DIAPH2: variants seen among roughly 807,000 people sequenced by gnomAD.
DIAPH2 encodes diaphanous related formin 2.
In DIAPH2, 35 loss-of-function variants were observed where a neutral mutation model predicts 92.7. The ratio of observed to expected loss-of-function variants is 0.38; its 90% CI spans 0.29 to 0.50. The LOEUF (loss-of-function observed/expected upper bound fraction) is 0.50. Among genes scored for constraint, DIAPH2 ranks in the 20% least tolerant of loss-of-function variants. DIAPH2 has a pLI of 0.94. For synonymous variants in DIAPH2, 301 were observed against 280.4 expected (o/e 1.07, Z -0.73); for missense variants, 701 against 819.5 (o/e 0.86, Z 1.77).
At chrX:97,468,074 T>G (rs1007602954) in intron 26 of DIAPH2, among the ~76,000 whole-genome samples, 1 of 111,910 alleles carries the variant, frequency 8.9e-6, no homozygotes, top group Non-Finnish European at 1.9e-5. Context: ...GTCAGGGGAA[T>G]ACTTTTTTAA....
chrX:96,957,986 ACCACCACCC>A lies in DIAPH2; in HGVS notation c.1782_1790del (p.Pro595_Pro597del), dbSNP rs1456304018. The A allele has an allele frequency of 1.7e-6, 2 of 1,206,212 alleles. No homozygotes were observed. The highest frequency in any genetic ancestry group is 1.8e-5 in the African/African-American group (1 of 56,349). On this transcript the variant is annotated inframe_deletion, in exon 16 of 27. Transcript: ENST00000324765. ...CTTTACCTGGAATGATGGGGATACC[ACCACCACCC>A]CCACCACCACTTTTATTTGGGGGAC...
chrX:96,701,307 A>C (rs2063853828), intron 1 of DIAPH2, among the ~76,000 whole-genome samples: 1 of 111,608 alleles, frequency 9.0e-6, no homozygotes, highest in Non-Finnish European at 1.9e-5. Context: ...CTTACTCTTG[A>C]GGAGCTCATG....
intron 17 of DIAPH2, among the ~76,000 whole-genome samples, chrX:97,022,121 C>T (rs1461372580): frequency 8.9e-6 from 1 of 111,827 alleles, no homozygotes; most frequent in Non-Finnish European, 1.9e-5. Flanking sequence ...TTTATAATCC[C>T]AGCTCTGTAC....
chrX:96,709,815 C>T (rs930745309), intron 1 of DIAPH2, among the ~76,000 whole-genome samples: 2 of 111,815 alleles, frequency 1.8e-5, no homozygotes, highest in Admixed American at 1.9e-4. Context: ...AGCATACCTT[C>T]GAATCAAAGT....
chrX:97,024,899 A>G, intron 17 of DIAPH2, among the ~76,000 whole-genome samples: 1 of 111,776 alleles, frequency 8.9e-6, no homozygotes, highest in Non-Finnish European at 1.9e-5. Context: ...TCCCTGTTTC[A>G]TTTTTCTGAT....
intron 22 of DIAPH2, among the ~76,000 whole-genome samples, chrX:97,152,122 A>G (rs760795932): frequency 2.7e-5 from 3 of 111,649 alleles, no homozygotes; most frequent in African/African-American, 6.5e-5. Flanking sequence ...ATATTCATCA[A>G]TAAGGATGAG....
At chrX:97,582,317 C>T (rs2071445907) in intron 26 of DIAPH2, among the ~76,000 whole-genome samples, 1 of 59,328 alleles carries the variant, frequency 1.7e-5, no homozygotes, top group Non-Finnish European at 3.1e-5. Context: ...ACCGGTTGTT[C>T]CTTTCCATGT....
intron 23 of DIAPH2, among the ~76,000 whole-genome samples, chrX:97,293,243 CTTTTTTTTTTTTTTT>C (rs1184478622): frequency 3.2e-5 from 2 of 63,216 alleles, no homozygotes; most frequent in Non-Finnish European, 6.0e-5. Context: ...ATATTTCTTT[CTTTTTTTTTTTTTTT>C]TTTTTTTTTT....
At chrX:97,217,585 A>G (rs1459976910) in intron 22 of DIAPH2, among the ~76,000 whole-genome samples, 1 of 111,735 alleles carries the variant, frequency 8.9e-6, no homozygotes, top group African/African-American at 3.2e-5. Context: ...TTTTCCCATC[A>G]TTTTATTCTT....
chrX:97,288,510 A>G (rs994280203), intron 23 of DIAPH2, among the ~76,000 whole-genome samples: 1 of 110,921 alleles, frequency 9.0e-6, no homozygotes, highest in African/African-American at 3.3e-5. Flanking sequence ...TTGGGAGGCC[A>G]AGGTGGGTGG....
chrX:97,383,308 G>A (rs191746339), intron 24 of DIAPH2, among the ~76,000 whole-genome samples: 1 of 110,722 alleles, frequency 9.0e-6, no homozygotes, highest in African/African-American at 3.3e-5. Flanking sequence ...ACCAGCACCA[G>A]GACCACCATC....
chrX:97,270,986 G>A (rs976148006), intron 23 of DIAPH2, among the ~76,000 whole-genome samples: 3 of 110,908 alleles, frequency 2.7e-5, no homozygotes, highest in African/African-American at 9.8e-5. Flanking sequence ...CACCAGATTC[G>A]CATGTACAAA....
At chrX:97,488,332 G>A (rs1602623067) in intron 26 of DIAPH2, among the ~76,000 whole-genome samples, 5 of 112,157 alleles carry the variant, frequency 4.5e-5, no homozygotes, top group African/African-American at 9.7e-5. Flanking sequence ...AGTTCCTTAC[G>A]TATTTGACAC....
chrX:97,473,342 A>T (rs185988996), intron 26 of DIAPH2, among the ~76,000 whole-genome samples: 4,148 of 111,000 alleles, frequency 0.037, 74 homozygotes, highest in Non-Finnish European at 0.046. Context: ...TTAATTAATT[A>T]ATTTATTTTT....
intron 22 of DIAPH2, among the ~76,000 whole-genome samples, chrX:97,201,277 C>T (rs1359079947): frequency 9.2e-6 from 1 of 108,577 alleles, no homozygotes; most frequent in Non-Finnish European, 1.9e-5. Flanking sequence ...ATGAACGCAA[C>T]ACCTCTCCAG....
intron 19 of DIAPH2, among the ~76,000 whole-genome samples, chrX:97,088,593 A>G (rs1269164670): frequency 3.6e-5 from 4 of 111,859 alleles, no homozygotes; most frequent in East Asian, 2.8e-4. Context: ...CTACAAGGCT[A>G]TATTGAATGG....
rs959508988 is a variant in DIAPH2, at chrX:97,527,347, G to A, written c.3242-71906G>A. Among the ~76,000 whole-genome samples the A allele has an allele frequency of 2.7e-5, 3 of 112,455 alleles. No homozygotes were observed. The Admixed American group carries it at 2.8e-4, about 11-fold the overall frequency. ...GAGGAATGTAATTGAAAACTAGGAA[G>A]AGAAATCTAGGCATGGAACTTCATC... On this transcript the variant is annotated intron_variant, in intron 26 of 26. Transcript: ENST00000324765.
intron 21 of DIAPH2, among the ~76,000 whole-genome samples, chrX:97,125,228 A>G (rs910729995): frequency 9.0e-6 from 1 of 110,563 alleles, no homozygotes; most frequent in Admixed American, 9.6e-5. Flanking sequence ...TAATCCCAGC[A>G]CTTTGGGAGG....
chrX:97,509,016 T>TTTA (rs1474537605), intron 26 of DIAPH2, among the ~76,000 whole-genome samples: 9 of 87,991 alleles, frequency 1.0e-4, no homozygotes, highest in Non-Finnish European at 1.8e-4. Flanking sequence ...TACAAAGTTA[T>TTTA]TTATTTATTT....
Sources: allele counts gnomAD v4.1 joint callset (sites outside exome capture counted in the v4.1 genomes callset), GRCh38; gene constraint gnomAD v4.1.1; transcripts MANE v1.5; gene names NCBI Gene and HGNC (gene_info 2026-07-23, HGNC 2026-07-21).